The following CCSER1 variants were observed in gnomAD, a reference collection of about 807,000 sequenced individuals.
The protein encoded by CCSER1 is serine-rich coiled-coil domain-containing protein 1.
Under a neutral mutation model 82.0 loss-of-function variants are expected in CCSER1, and 41 were observed. The ratio of observed to expected loss-of-function variants is 0.50; its 90% CI spans 0.39 to 0.65. The LOEUF (loss-of-function observed/expected upper bound fraction) is 0.65, where lower values mean the gene tolerates loss of function less well. CCSER1 is among the 30% of genes least tolerant of loss of function. CCSER1 has a pLI of 0.00. For missense variants in CCSER1, 1,119 were observed against 1,064.2 expected (o/e 1.05, Z -0.72); for synonymous variants, 414 against 383.9 (o/e 1.08, Z -0.92).
At chr4:90,347,569 A>T (rs1260300323) in intron 3 of CCSER1, among the ~76,000 whole-genome samples, 1 of 152,120 alleles carries the variant, frequency 6.6e-6, no homozygotes, top group African/African-American at 2.4e-5. Flanking sequence ...CCAGAACGTG[A>T]ATCATCTCTT....
chr4:91,599,504 G>A lies in CCSER1; in HGVS notation c.*447G>A, dbSNP rs1283834135. ...ATTTTAAATTATATAATTAATAGAA[G>A]GAGGAAAAAAGAGAAATGTTAACGT... On this transcript the variant is annotated 3_prime_UTR_variant, in exon 11 of 11. Transcript: ENST00000509176. 2.0e-5 allele frequency: 3 copies of A among 151,960 alleles called. No individual in the cohort carries two copies. The highest frequency in any genetic ancestry group is 2.0e-4 in the Admixed American group (3 of 15,216). The allele number at this position is 151,960 out of a possible 1,614,324, so 9.4% of individuals were successfully genotyped here.
rs187805912 is a variant in CCSER1 at position 90,432,750 on chromosome 4, G to T, written c.1603+32621G>T. Among the ~76,000 whole-genome samples the T allele has an allele frequency of 3.2e-4, 48 of 152,118 alleles. No individual in the cohort carries two copies. In the East Asian group the frequency reaches 8.7e-3, roughly 28 times the overall value. On this transcript the variant is annotated intron_variant, in intron 4 of 10. Coordinates refer to ENST00000509176, the MANE Select transcript of CCSER1 (RefSeq NM_001145065.2). The stretch of plus-strand genomic sequence containing the variant: ...GACTATGGGTATGTGTCACCCTGCT[G>T]GGCTTAAATAATAAGACAGTTCTAA...
chr4:91,581,441 A>G (rs767266126), intron 10 of CCSER1, among the ~76,000 whole-genome samples: 4 of 151,732 alleles, frequency 2.6e-5, no homozygotes, highest in African/African-American at 7.2e-5. Context: ...CCCAAAATCA[A>G]TAAGAAAGAG....
Position 91,160,757 on chromosome 4 carries a change from T to TG in CCSER1, c.2217+74763_2217+74764insG, listed in dbSNP as rs369279616. ...TTGATGTTGTTGTTGTTGTTGTTGTTTTTTTTGTAAATTTGTTTAAGTTCT... is the reference window on the plus strand; with the variant it reads ...TTGATGTTGTTGTTGTTGTTGTTGTTGTTTTTTGTAAATTTGTTTAAGTTCT... On this transcript the variant is annotated intron_variant, in intron 10 of 10. Transcript: ENST00000509176. 5.0e-3 allele frequency among the ~76,000 whole-genome samples: 740 copies of TG among 149,340 alleles called. 7 individuals are homozygous for TG. The highest frequency in any genetic ancestry group is 0.018 in the African/African-American group (702 of 39,748).
At chr4:91,460,903 T>C (rs1430639072) in intron 10 of CCSER1, among the ~76,000 whole-genome samples, 3 of 152,046 alleles carry the variant, frequency 2.0e-5, no homozygotes, top group Non-Finnish European at 4.4e-5. Context: ...AAAAGGAAAA[T>C]TTATTCTTAC....
intron 1 of CCSER1, among the ~76,000 whole-genome samples, chr4:90,253,402 G>A (rs1018558528): frequency 1.3e-5 from 2 of 152,032 alleles, no homozygotes; most frequent in African/African-American, 2.4e-5. Context: ...AATGAATTCT[G>A]TTTTTGTTAA....
chr4:91,394,725 G>A (rs989963635), intron 10 of CCSER1, among the ~76,000 whole-genome samples: 11 of 152,072 alleles, frequency 7.2e-5, no homozygotes, highest in African/African-American at 2.6e-4. Context: ...AAAAACTAAC[G>A]AAGTATAAAA....
At chr4:90,491,438 A>G (rs774087331) in intron 5 of CCSER1, among the ~76,000 whole-genome samples, 25 of 152,028 alleles carry the variant, frequency 1.6e-4, no homozygotes, top group Admixed American at 8.5e-4. Context: ...GGGTTTTCTA[A>G]ATATACAATC....
At chr4:90,335,024 G>A (rs1740119025) in intron 3 of CCSER1, among the ~76,000 whole-genome samples, 2 of 152,154 alleles carry the variant, frequency 1.3e-5, no homozygotes, top group Non-Finnish European at 2.9e-5. Flanking sequence ...GTAGGCAGTG[G>A]ATGTGACTAT....
chr4:91,259,707 C>T (rs1257210609), intron 10 of CCSER1, among the ~76,000 whole-genome samples: 1 of 151,934 alleles, frequency 6.6e-6, no homozygotes, highest in African/African-American at 2.4e-5. Context: ...TTTTCTGTCC[C>T]TGTGTTAGTT....
chr4:90,714,103 T>C (rs1741180061), intron 6 of CCSER1, among the ~76,000 whole-genome samples: 1 of 152,020 alleles, frequency 6.6e-6, no homozygotes, highest in South Asian at 2.1e-4. Context: ...GTGAGTGCCA[T>C]GGACCGCAGC....
chr4:90,579,551 C>A (rs1264061868), intron 5 of CCSER1, among the ~76,000 whole-genome samples: 1 of 152,144 alleles, frequency 6.6e-6, no homozygotes, highest in Non-Finnish European at 1.5e-5. Flanking sequence ...TAGTATCCAT[C>A]TGCTTATATA....
At chr4:90,192,538 G>C (rs1327655298) in intron 1 of CCSER1, among the ~76,000 whole-genome samples, 1 of 152,040 alleles carries the variant, frequency 6.6e-6, no homozygotes, top group African/African-American at 2.4e-5. Flanking sequence ...TGCAGTAGTT[G>C]TATGACCTTG....
intron 10 of CCSER1, among the ~76,000 whole-genome samples, chr4:91,317,605 T>C (rs1041829466): frequency 1.7e-4 from 26 of 149,584 alleles, no homozygotes; most frequent in African/African-American, 5.3e-4. Context: ...TGTGTGTGCG[T>C]GTGTGTGTGT....
At chr4:90,701,714 T>C (rs1456437990) in intron 6 of CCSER1, among the ~76,000 whole-genome samples, 1 of 152,192 alleles carries the variant, frequency 6.6e-6, no homozygotes, top group East Asian at 1.9e-4. Context: ...GATTCCTAGG[T>C]ATTTTATTCT....
At chr4:90,290,971 G>A (rs1208104411) in intron 1 of CCSER1, among the ~76,000 whole-genome samples, 1 of 134,544 alleles carries the variant, frequency 7.4e-6, no homozygotes, top group African/African-American at 3.8e-5. Context: ...GCAAGATCTA[G>A]ATTAAAATTT....
At chr4:90,738,029 A>G (rs1052536314) in intron 7 of CCSER1, among the ~76,000 whole-genome samples, 1 of 152,188 alleles carries the variant, frequency 6.6e-6, no homozygotes, top group African/African-American at 2.4e-5. Flanking sequence ...GAGTTTCCAC[A>G]AAATAACTAT....
intron 10 of CCSER1, among the ~76,000 whole-genome samples, chr4:91,489,187 A>G (rs2110064997): frequency 6.6e-6 from 1 of 152,296 alleles, no homozygotes; most frequent in Middle Eastern, 3.4e-3. Context: ...ATGAAGGAAC[A>G]TGACTAGAAT....
chr4:90,329,915 A>G lies in CCSER1; in HGVS notation c.1509+16868A>G, dbSNP rs192272726. On this transcript the variant is annotated intron_variant, in intron 3 of 10. Coordinates refer to ENST00000509176, the MANE Select transcript of CCSER1 (RefSeq NM_001145065.2). Reference sequence around the variant, plus strand: ...AGACATTTATGTGACTACTTATGTAACTTATATAATAACTCGATAAATTAC... The same window carrying G: ...AGACATTTATGTGACTACTTATGTAGCTTATATAATAACTCGATAAATTAC... Among the ~76,000 whole-genome samples the G allele has an allele frequency of 2.5e-3, 374 of 152,284 alleles. 2 individuals are homozygous for G. The highest frequency in any genetic ancestry group is 8.4e-3 in the African/African-American group (351 of 41,574).
Sources: allele counts gnomAD v4.1 joint callset (sites outside exome capture counted in the v4.1 genomes callset), GRCh38; gene constraint gnomAD v4.1.1; transcripts MANE v1.5; gene names NCBI Gene and HGNC (gene_info 2026-07-23, HGNC 2026-07-21).